ZNF254: variants seen among roughly 807,000 people sequenced by gnomAD.
ZNF254 encodes the protein CTD-2017D11.1.
A neutral mutation model predicts 12.4 loss-of-function variants in ZNF254; 10 were observed. The ratio of observed to expected loss-of-function variants is 0.80; its 90% CI spans 0.50 to 1.36. The LOEUF is 1.36. Ranked by LOEUF, ZNF254 falls within the 40% of genes most tolerant of loss-of-function variation. ZNF254 has a pLI of 0.00. For synonymous variants in ZNF254, 305 were observed against 253.4 expected (o/e 1.20, Z -1.93); for missense variants, 996 against 763.9 (o/e 1.30, Z -3.58).
At chr19:24,062,428 A>G (rs1971112220) in intron 2 of ZNF254, among the ~76,000 whole-genome samples, 1 of 152,172 alleles carries the variant, frequency 6.6e-6, no homozygotes, top group Admixed American at 6.6e-5. Flanking sequence ...CCCAGCTCAT[A>G]GTGGTGAGGA....
intron 3 of ZNF254, among the ~76,000 whole-genome samples, chr19:24,116,450 C>T: frequency 6.6e-6 from 1 of 152,040 alleles, no homozygotes; most frequent in Non-Finnish European, 1.5e-5. Flanking sequence ...TTCATTTCAT[C>T]TTCTGTCACT....
At chr19:24,101,145 C>T (rs1489270094) in intron 1 of ZNF254, among the ~76,000 whole-genome samples, 2 of 152,076 alleles carry the variant, frequency 1.3e-5, no homozygotes, top group Non-Finnish European at 2.9e-5. Context: ...GCACCCAGCC[C>T]GTATCAGCCT....
chr19:24,096,333 A>C (rs1048503340), intron 1 of ZNF254, among the ~76,000 whole-genome samples: 4 of 152,120 alleles, frequency 2.6e-5, no homozygotes, highest in African/African-American at 9.7e-5. Flanking sequence ...TGCTGGGATT[A>C]CAGGTATGAG....
chr19:24,106,599 A>G lies in ZNF254; in HGVS notation c.209A>G (p.Glu70Gly), dbSNP rs778479428. 1.3e-6 allele frequency: 2 copies of G among 1,585,292 alleles called. No individual in the cohort carries two copies. The highest frequency in any genetic ancestry group is 2.3e-5 in the East Asian group (1 of 43,388). Residue 70 changes from glutamate (E) to glycine (G), a missense_variant, in exon 3 of 4, where the codon GAG becomes GGG. Transcript: ENST00000357002. ...DLITCLEQGK[E>G]PWNMKRHEMV... Reference sequence around the variant, plus strand: ...ATCACCTGTCTGGAACAAGGGAAAGAGCCCTGGAATATGAAGCGACATGAG... The same window carrying G: ...ATCACCTGTCTGGAACAAGGGAAAGGGCCCTGGAATATGAAGCGACATGAG...
At chr19:24,088,711 C>T (rs1322358820) in intron 1 of ZNF254, among the ~76,000 whole-genome samples, 1 of 151,842 alleles carries the variant, frequency 6.6e-6, no homozygotes, top group Non-Finnish European at 1.5e-5. Flanking sequence ...TGCAGTGGTG[C>T]AGTGGTGTGA....
Position 24,106,085 on chromosome 19 carries a change from C to G in ZNF254, c.157+19C>G, listed in dbSNP as rs377554746. ...TTCCTGGGTGAGGATAACTTTAATA[C>G]AAAATTCCTCACATAAACTAAAGCT... On this transcript the variant is annotated intron_variant, in intron 2 of 3. Coordinates refer to ENST00000357002, the MANE Select transcript of ZNF254 (RefSeq NM_203282.4). 1.9e-6 allele frequency: 3 copies of G among 1,560,430 alleles called. No homozygotes were observed. The highest frequency in any genetic ancestry group is 2.6e-6 in the Non-Finnish European group (3 of 1,154,892).
chr19:24,089,566 T>A (rs1320027774), intron 1 of ZNF254, among the ~76,000 whole-genome samples: 1 of 152,170 alleles, frequency 6.6e-6, no homozygotes, highest in Non-Finnish European at 1.5e-5. Context: ...ATACCCACCA[T>A]GGCTATGTCT....
At chr19:24,055,343 G>A (rs1036834837) in intron 2 of ZNF254, among the ~76,000 whole-genome samples, 2 of 151,278 alleles carry the variant, frequency 1.3e-5, no homozygotes, top group Admixed American at 6.6e-5. Context: ...GCAGTGGCGC[G>A]ATCTCAGCTT....
chr19:24,064,357 A>G (rs1599626417), intron 2 of ZNF254, among the ~76,000 whole-genome samples: 1 of 152,122 alleles, frequency 6.6e-6, no homozygotes, highest in East Asian at 1.9e-4. Context: ...CCCACCCCTC[A>G]GGGGTATTGT....
At chr19:24,120,450 G>T (rs1428944832) in intron 3 of ZNF254, among the ~76,000 whole-genome samples, 2 of 151,988 alleles carry the variant, frequency 1.3e-5, no homozygotes, top group African/African-American at 2.4e-5. Context: ...AAATTATTTT[G>T]TGTATTAACA....
chr19:24,060,413 T>C (rs1442115723), intron 2 of ZNF254, among the ~76,000 whole-genome samples: 12 of 152,140 alleles, frequency 7.9e-5, no homozygotes, highest in Admixed American at 7.2e-4. Context: ...TTAAAAGACA[T>C]TGTGACATAC....
chr19:24,109,881 C>A (rs571645751), intron 3 of ZNF254, among the ~76,000 whole-genome samples: 28 of 151,566 alleles, frequency 1.8e-4, no homozygotes, highest in African/African-American at 6.5e-4. Flanking sequence ...GCCACCATCC[C>A]AGGCTAATTT....
intron 2 of ZNF254, among the ~76,000 whole-genome samples, chr19:24,057,520 G>C (rs912462637): frequency 1.3e-5 from 2 of 152,142 alleles, no homozygotes; most frequent in African/African-American, 2.4e-5. Context: ...TAAATTCCTC[G>C]GTTGGTACAG....
intron 3 of ZNF254, among the ~76,000 whole-genome samples, chr19:24,113,397 A>G (rs1054183502): frequency 6.6e-6 from 1 of 152,208 alleles, no homozygotes; most frequent in African/African-American, 2.4e-5. Flanking sequence ...TAATCAATAA[A>G]TGTAATCCAG....
intron 2 of ZNF254, among the ~76,000 whole-genome samples, chr19:24,057,971 T>C (rs1970923596): frequency 6.6e-6 from 1 of 152,230 alleles, no homozygotes; most frequent in Non-Finnish European, 1.5e-5. Flanking sequence ...CTGAGTATTG[T>C]GATCTTCAGA....
chr19:24,041,728 TC>T (rs1970172372), intron 1 of ZNF254, among the ~76,000 whole-genome samples: 1 of 151,284 alleles, frequency 6.6e-6, no homozygotes, highest in South Asian at 2.1e-4. Context: ...GCAGGCAGCT[TC>T]ACCTGCAGCC....
chr19:24,072,968 C>A (rs755875544), intron 2 of ZNF254, among the ~76,000 whole-genome samples: 1 of 152,238 alleles, frequency 6.6e-6, no homozygotes, highest in Non-Finnish European at 1.5e-5. Context: ...GGTGATGACA[C>A]TAATACCACA....
chr19:24,125,795 C>A (rs1007567907), intron 3 of ZNF254, among the ~76,000 whole-genome samples: 1 of 152,158 alleles, frequency 6.6e-6, no homozygotes, highest in Non-Finnish European at 1.5e-5. Flanking sequence ...AATATACCAC[C>A]ATTTCTTTCA....
At chr19:24,084,145 TTATATA>T (rs918378650), upstream of ZNF254, among the ~76,000 whole-genome samples, 1 of 147,766 alleles carries the variant, frequency 6.8e-6, no homozygotes, top group Non-Finnish European at 1.5e-5. Context: ...CACATTTTCT[TTATATA>T]TATATAATAT....
Sources: allele counts gnomAD v4.1 joint callset (sites outside exome capture counted in the v4.1 genomes callset), GRCh38; gene constraint gnomAD v4.1.1; transcripts MANE v1.5; gene names NCBI Gene and HGNC (gene_info 2026-07-23, HGNC 2026-07-21).